BRAP: variants seen among roughly 807,000 people sequenced by gnomAD.
The protein encoded by BRAP is BRCA1 associated protein.
In BRAP, 42 loss-of-function variants were observed where a neutral mutation model predicts 73.4. The ratio of observed to expected loss-of-function variants is 0.57; its 90% CI spans 0.45 to 0.74. BRAP has a LOEUF of 0.74. Among genes scored for constraint, BRAP ranks in the 30% least tolerant of loss-of-function variants. BRAP has a pLI of 0.00. For synonymous variants in BRAP, 255 were observed against 267.4 expected (o/e 0.95, Z 0.45); for missense variants, 593 against 751.4 (o/e 0.79, Z 2.46).
chr12:111,666,364 T>C (rs1209974311), intron 5 of BRAP, among the ~76,000 whole-genome samples: 4 of 152,172 alleles, frequency 2.6e-5, no homozygotes, highest in South Asian at 2.1e-4. Flanking sequence ...ACCTGAAGGA[T>C]TTTTCCATAG....
intron 5 of BRAP, chr12:111,669,868 G>A: frequency 9.4e-6 from 6 of 635,066 alleles, no homozygotes; most frequent in Non-Finnish European, 1.4e-5. Context: ...CTTGGTCATT[G>A]ACATTTCCAA....
intron 11 of BRAP, among the ~76,000 whole-genome samples, chr12:111,647,590 A>G (rs569796230): frequency 6.6e-6 from 1 of 152,160 alleles, no homozygotes; most frequent in Admixed American, 6.5e-5. Context: ...CATGCCTGTA[A>G]TGGTAAAACA....
rs750525758 is a variant in BRAP, at chr12:111,685,801, C to A, written c.-9G>T. 1 of 1,529,996 alleles carries A rather than the reference C, an allele frequency of 6.5e-7. No homozygotes were observed. Among genetic ancestry groups the A allele is most frequent in the Non-Finnish European group, 8.8e-7 (1 of 1,138,206 alleles). The allele number at this position is 1,529,996 out of a possible 1,614,324, so 94.8% of individuals were successfully genotyped here. ...ACCAGTGACACACTCATAGGGCAGGCGCTGGCCGGCGCGGGCCCCGGCGGG... is the reference window on the plus strand; with the variant it reads ...ACCAGTGACACACTCATAGGGCAGGAGCTGGCCGGCGCGGGCCCCGGCGGG... On this transcript the variant is annotated 5_prime_UTR_variant, in exon 1 of 12. Transcript: ENST00000419234.
At chr12:111,648,460 A>G (rs1427767410) in intron 11 of BRAP, among the ~76,000 whole-genome samples, 1 of 141,448 alleles carries the variant, frequency 7.1e-6, no homozygotes, top group Non-Finnish European at 1.5e-5. Flanking sequence ...AAAAATACAA[A>G]AATTAACTGG....
Position 111,658,798 on chromosome 12 carries a change from C to T in BRAP, c.1159G>A (p.Val387Ile). Reference protein sequence around the residue: ...LVASKTDGKIVQYECEGDTCQ... With the variant: ...LVASKTDGKIIQYECEGDTCQ... ...GTATCCCCCTCACATTCATACTGTACTATTTTTCCATCTGTTTTACTTGCA... is the reference window on the plus strand; with the variant it reads ...GTATCCCCCTCACATTCATACTGTATTATTTTTCCATCTGTTTTACTTGCA... Residue 387 changes from valine (V) to isoleucine (I), a missense_variant, in exon 9 of 12, where the codon GTA (valine) becomes ATA (isoleucine). Around this residue, in one of 4 missense-constraint regions of BRAP, gnomAD observed 143 missense variants for 190.4 expected, o/e 0.75. Coordinates refer to ENST00000419234, the MANE Select transcript of BRAP (RefSeq NM_006768.5). 6.2e-7 allele frequency: 1 copy of T among 1,613,100 alleles called. No homozygotes were observed. Among genetic ancestry groups the T allele is most frequent in the Non-Finnish European group, 8.5e-7 (1 of 1,179,228 alleles).
rs1885972266 is a variant in BRAP at position 111,643,433 on chromosome 12, A to G, written c.*766T>C. ...TAGATGCTAGGATACCCACTCTGAG[A>G]TTTGAGTTTGGGAACAGCCATTAAG... On this transcript the variant is annotated 3_prime_UTR_variant, in exon 12 of 12. Transcript: ENST00000419234. The G allele has an allele frequency of 6.6e-6, 1 of 152,144 alleles. No individual in the cohort carries two copies. Among genetic ancestry groups the G allele is most frequent in the Non-Finnish European group, 1.5e-5 (1 of 68,026 alleles). 9.4% of individuals were successfully genotyped at this position (152,144 alleles called of 1,614,324 possible). A position where few individuals can be genotyped will look rare whatever the true frequency, so the allele number is the denominator to read the frequency against.
chr12:111,673,578 C>T (rs1887261441), intron 4 of BRAP, among the ~76,000 whole-genome samples: 1 of 149,804 alleles, frequency 6.7e-6, no homozygotes, highest in Non-Finnish European at 1.5e-5. Flanking sequence ...ACCAGGGGAA[C>T]TGGTATGAGA....
Position 111,649,980 on chromosome 12 carries a change from T to C in BRAP, c.1374A>G (p.Lys458=), listed in dbSNP as rs760976319. The part of the protein sequence containing the change: ...TIEKCDNLEH[K]LNDLLKEKQS... ...GCTTTTCTTTTAGGAGATCATTTAG[T>C]TTGTGCTCTAGATTATCACACTTCT... Residue 458 remains lysine (K), a synonymous_variant, in exon 11 of 12, where the codon AAA becomes AAG. Transcript: ENST00000419234. 6 of 1,612,480 alleles carry C rather than the reference T, an allele frequency of 3.7e-6. No individual in the cohort carries two copies. Among genetic ancestry groups the C allele is most frequent in the East Asian group, 2.2e-5 (1 of 44,844 alleles).
chr12:111,649,437 G>T (rs912739350), intron 11 of BRAP, among the ~76,000 whole-genome samples: 2 of 152,232 alleles, frequency 1.3e-5, no homozygotes, highest in African/African-American at 4.8e-5. Context: ...ACAGGCGTAA[G>T]CCACCATGCC....
intron 3 of BRAP, among the ~76,000 whole-genome samples, chr12:111,680,694 AAAAAAACAAAACAAAAAACAAAAC>A (rs146114438): frequency 1.4e-4 from 21 of 147,774 alleles, no homozygotes; most frequent in East Asian, 4.1e-4. Context: ...CCTGTCTCAA[AAAAAAACAAAACAAAAAACAAAAC>A]AAAAAACAAA....
chr12:111,648,142 C>A lies in BRAP; in HGVS notation c.1415+1797G>T, dbSNP rs375666930. ...GTGAAACCCCGTCTCTACTAAAAAT[C>A]CAAAAATTAGCTGGGTGTGGTGGTG... On this transcript the variant is annotated intron_variant, in intron 11 of 11. Transcript: ENST00000419234. Among the ~76,000 whole-genome samples, 345 of 124,844 alleles carry A rather than the reference C, an allele frequency of 2.8e-3. No homozygotes were observed. In the Middle Eastern group the frequency reaches 0.032, roughly 11 times the overall value. The allele number at this position is 124,844 out of a possible 152,430, so 81.9% of individuals were successfully genotyped here.
At chr12:111,645,758 C>T (rs1283629891) in intron 11 of BRAP, among the ~76,000 whole-genome samples, 2 of 151,894 alleles carry the variant, frequency 1.3e-5, no homozygotes, top group African/African-American at 4.8e-5. Flanking sequence ...GAGAGGATCG[C>T]TTCAGTAAAT....
intron 9 of BRAP, among the ~76,000 whole-genome samples, chr12:111,656,871 C>T (rs972696218): frequency 1.3e-5 from 2 of 151,314 alleles, no homozygotes; most frequent in Admixed American, 1.3e-4. Flanking sequence ...GTAGCTGGAA[C>T]TACAGGTGCA....
chr12:111,656,847 C>A (rs1209431828), intron 9 of BRAP, among the ~76,000 whole-genome samples: 1 of 152,164 alleles, frequency 6.6e-6, no homozygotes, highest in Non-Finnish European at 1.5e-5. Context: ...GATCCTCCTG[C>A]CTCAGCCTCC....
At chr12:111,678,523 G>C (rs1452122905) in intron 4 of BRAP, among the ~76,000 whole-genome samples, 8 of 151,354 alleles carry the variant, frequency 5.3e-5, no homozygotes, top group Non-Finnish European at 1.2e-4. Flanking sequence ...CAGGCATGGT[G>C]GTGCATGCCT....
At chr12:111,682,438 T>C (rs1887637573) in intron 2 of BRAP, among the ~76,000 whole-genome samples, 1 of 136,798 alleles carries the variant, frequency 7.3e-6, no homozygotes, top group African/African-American at 2.8e-5. Context: ...GGAGGTGGAG[T>C]TGCAGTAAGC....
chr12:111,671,053 T>C (rs7138979), intron 5 of BRAP, among the ~76,000 whole-genome samples: 4,469 of 150,098 alleles, frequency 0.03, 236 homozygotes, highest in African/African-American at 0.1. Flanking sequence ...TGAGCCAAGA[T>C]CACGCCACTA....
chr12:111,674,266 G>A (rs1304455072), intron 4 of BRAP, among the ~76,000 whole-genome samples: 1 of 150,744 alleles, frequency 6.6e-6, no homozygotes, highest in Non-Finnish European at 1.5e-5. Flanking sequence ...TTTTTGAGAT[G>A]GTGTCTCGCT....
chr12:111,683,068 G>A, intron 2 of BRAP, 78 bp downstream of exon 2: 1 of 1,460,660 alleles, frequency 6.8e-7, no homozygotes. Context: ...GAAATTGTAG[G>A]CTCATCAAAC....
Sources: gnomAD v4.1 joint callset for allele counts (sites outside exome capture counted in the v4.1 genomes callset) on GRCh38, gnomAD v4.1.1 for gene constraint, gnomAD v4.1.1 regional missense constraint, MANE v1.5 for transcripts, NCBI Gene and HGNC (gene_info 2026-07-23, HGNC 2026-07-21) for gene names.